Variants in GBE1 observed in about 807,000 individuals in gnomAD.
GBE1 encodes the protein 1,4-alpha-glucan branching enzyme 1.
A neutral mutation model predicts 88.8 loss-of-function variants in GBE1; 70 were observed. The ratio of observed to expected loss-of-function variants is 0.79; its 90% CI spans 0.65 to 0.96. The LOEUF is 0.96. GBE1 is among the 40% of genes least tolerant of loss of function. The pLI is 0.00. For synonymous variants in GBE1, 284 were observed against 300.1 expected, an observed-to-expected ratio of 0.95 and a Z score of 0.56; for missense variants, 872 against 871.0, an observed-to-expected ratio of 1.00 and a Z score of -0.01.
intron 1 of GBE1, among the ~76,000 whole-genome samples, chr3:81,749,516 G>A (rs1314987414): frequency 6.6e-6 from 1 of 152,182 alleles, no homozygotes; most frequent in East Asian, 1.9e-4. Flanking sequence ...CCTTCGTAGT[G>A]ATGTAACAGT....
At chr3:81,735,935 G>A (rs1332071997) in intron 1 of GBE1, among the ~76,000 whole-genome samples, 1 of 151,970 alleles carries the variant, frequency 6.6e-6, no homozygotes, top group Non-Finnish European at 1.5e-5. Context: ...AATTAGCCAC[G>A]ACCACTAAAG....
intron 7 of GBE1, among the ~76,000 whole-genome samples, chr3:81,632,072 T>C (rs1704521311): frequency 1.3e-5 from 2 of 152,120 alleles, no homozygotes; most frequent in Non-Finnish European, 1.5e-5. Context: ...GGTTTTCTGT[T>C]CCTGTGTTAG....
chr3:81,646,935 C>G (rs1704773070), intron 5 of GBE1, among the ~76,000 whole-genome samples: 1 of 151,108 alleles, frequency 6.6e-6, no homozygotes, highest in African/African-American at 2.4e-5. Context: ...TAGCACCAAA[C>G]CCTTATTTTC....
At chr3:81,626,496 C>T (rs1348343066) in intron 7 of GBE1, among the ~76,000 whole-genome samples, 1 of 152,012 alleles carries the variant, frequency 6.6e-6, no homozygotes, top group Non-Finnish European at 1.5e-5. Flanking sequence ...AGCAAGCGTT[C>T]CTGAGGAACT....
chr3:81,635,101 A>C (rs1704573804), intron 7 of GBE1, among the ~76,000 whole-genome samples: 1 of 152,162 alleles, frequency 6.6e-6, no homozygotes, highest in South Asian at 2.1e-4. Context: ...GAGAAAATGT[A>C]ACTGTAACTG....
At chr3:81,553,293 G>A (rs1387906224) in intron 12 of GBE1, among the ~76,000 whole-genome samples, 1 of 151,240 alleles carries the variant, frequency 6.6e-6, no homozygotes, top group African/African-American at 2.4e-5. Context: ...CCTGCAAAAA[G>A]GCTTGAGTGT....
intron 7 of GBE1, among the ~76,000 whole-genome samples, chr3:81,614,594 TC>T (rs1704225021): frequency 1.3e-5 from 2 of 152,170 alleles, no homozygotes; most frequent in South Asian, 4.1e-4. Flanking sequence ...GCACGGTGAC[TC>T]ATGCCTATAA....
intron 1 of GBE1, among the ~76,000 whole-genome samples, chr3:81,754,726 A>G (rs1345038254): frequency 6.6e-6 from 1 of 152,178 alleles, no homozygotes; most frequent in East Asian, 1.9e-4. Context: ...AAAATGGGGA[A>G]AGGACAGTCT....
chr3:81,711,013 C>G (rs955531155), intron 1 of GBE1, among the ~76,000 whole-genome samples: 5 of 152,232 alleles, frequency 3.3e-5, no homozygotes, highest in Middle Eastern at 3.4e-3. Flanking sequence ...TACTACTAGG[C>G]GATAGGTATG....
rs1706616666 is a variant in GBE1 at position 81,757,344 on chromosome 3, TGGTTG to T, written c.143+4026_143+4030del. ...TACAGAACTCAAGAGAAATGAGGAA[TGGTTG>T]AAAGGGTTTAAGCAGAGGAGTACCA... is the stretch of plus-strand genomic sequence containing the variant. On this transcript the variant is annotated intron_variant, in intron 1 of 15. Transcript: ENST00000429644. 5.3e-5 allele frequency among the ~76,000 whole-genome samples: 8 copies of T among 152,260 alleles called. No homozygotes were observed. The South Asian group carries it at 1.7e-3, about 32-fold the overall frequency.
chr3:81,510,864 T>C lies in GBE1; in HGVS notation c.1935-11637A>G, dbSNP rs141206040. On this transcript the variant is annotated intron_variant, in intron 14 of 15. Coordinates refer to ENST00000429644, the MANE Select transcript of GBE1 (RefSeq NM_000158.4). The stretch of plus-strand genomic sequence containing the variant: ...AATACAGTGACTACAGTTAATAATG[T>C]GTTATATACTTGAAATCTGCTGAGA... Among the ~76,000 whole-genome samples, 861 of 152,160 alleles carry C rather than the reference T, an allele frequency of 5.7e-3. 7 individuals carry two copies. Among genetic ancestry groups the C allele is most frequent in the African/African-American group, 0.019 (795 of 41,522 alleles).
chr3:81,680,052 T>G (rs573959289), intron 2 of GBE1, among the ~76,000 whole-genome samples: 83 of 152,302 alleles, frequency 5.4e-4, no homozygotes, highest in Admixed American at 1.8e-3. Context: ...AGTGCTCCAG[T>G]GTATAATCTA....
chr3:81,647,687 T>C (rs1704785025), intron 5 of GBE1, among the ~76,000 whole-genome samples: 1 of 152,296 alleles, frequency 6.6e-6, no homozygotes, highest in Non-Finnish European at 1.5e-5. Flanking sequence ...TATAATTTTC[T>C]TAAGGTTTAT....
intron 1 of GBE1, among the ~76,000 whole-genome samples, chr3:81,756,234 T>A (rs907390959): frequency 2.6e-5 from 4 of 152,188 alleles, no homozygotes; most frequent in Non-Finnish European, 5.9e-5. Context: ...TTTATTCTGG[T>A]CATCTTTAGC....
At chr3:81,651,355 T>C (rs1704849141) in intron 3 of GBE1, among the ~76,000 whole-genome samples, 1 of 152,180 alleles carries the variant, frequency 6.6e-6, no homozygotes, top group Non-Finnish European at 1.5e-5. Flanking sequence ...CAGCACTTCC[T>C]TCAGATGCCA....
rs114205543 is a variant in GBE1 at position 81,692,348 on chromosome 3, G to C, written c.313+13096C>G. Among the ~76,000 whole-genome samples, 195 of 152,256 alleles carry C rather than the reference G, an allele frequency of 1.3e-3. 1 individual carries two copies. Among genetic ancestry groups the C allele is most frequent in the Admixed American group, 4.4e-3 (67 of 15,290 alleles). On this transcript the variant is annotated intron_variant, in intron 2 of 15. Transcript: ENST00000429644. ...GTGCACAATATACAGTCTCGTTTAT[G>C]TTTGCTTTTCAACCTCAATAACTTC...
At chr3:81,553,007 G>A (rs1026183807) in intron 12 of GBE1, among the ~76,000 whole-genome samples, 2 of 152,104 alleles carry the variant, frequency 1.3e-5, no homozygotes, top group Admixed American at 6.6e-5. Flanking sequence ...ACTAGTATTC[G>A]AACTTAGATG....
intron 1 of GBE1, among the ~76,000 whole-genome samples, chr3:81,723,766 C>A (rs1706070545): frequency 1.3e-5 from 2 of 152,282 alleles, no homozygotes; most frequent in Admixed American, 6.5e-5. Flanking sequence ...CAGCTCTGCA[C>A]CCTCAAGAAC....
intron 1 of GBE1, chr3:81,743,724 C>A: frequency 1.3e-6 from 1 of 780,440 alleles, no homozygotes; most frequent in Non-Finnish European, 1.9e-6. Context: ...TTTGTCTGGC[C>A]CATGTTTTTG....
Sources: allele counts gnomAD v4.1 joint callset (sites outside exome capture counted in the v4.1 genomes callset), GRCh38; gene constraint gnomAD v4.1.1; transcripts MANE v1.5; gene names NCBI Gene and HGNC (gene_info 2026-07-23, HGNC 2026-07-21).